DAB1: variants seen among roughly 807,000 people sequenced by gnomAD.
DAB1 encodes disabled homolog 1.
DAB1 carries 15 observed loss-of-function variants against 64.6 expected under a neutral mutation model. That is an observed-to-expected ratio of 0.23 (90% confidence interval 0.16 to 0.36). The LOEUF is 0.36. DAB1 is among the 10% of genes least tolerant of loss of function. The pLI is 1.00. For missense variants in DAB1, 596 were observed against 706.7 expected (o/e 0.84, Z 1.78); for synonymous variants, 235 against 251.9 (o/e 0.93, Z 0.64).
chr1:57,507,737 A>G (rs1316001353), intron 7 of DAB1, among the ~76,000 whole-genome samples: 2 of 152,252 alleles, frequency 1.3e-5, no homozygotes, highest in Non-Finnish European at 2.9e-5. Flanking sequence ...CCGCATTTAC[A>G]AATGACCTCA....
chr1:57,101,077 G>A (rs529185277), intron 4 of DAB1, among the ~76,000 whole-genome samples: 1 of 152,178 alleles, frequency 6.6e-6, no homozygotes, highest in South Asian at 2.1e-4. Context: ...TGACCCCACA[G>A]CCCATCCACA....
chr1:57,797,965 T>C (rs1281031877), intron 6 of DAB1, among the ~76,000 whole-genome samples: 1 of 152,228 alleles, frequency 6.6e-6, no homozygotes, highest in Non-Finnish European at 1.5e-5. Context: ...TAGCATGTGC[T>C]AGTAGTGTGG....
At chr1:57,554,362 C>T (rs943504268) in intron 7 of DAB1, among the ~76,000 whole-genome samples, 3 of 152,178 alleles carry the variant, frequency 2.0e-5, no homozygotes, top group Non-Finnish European at 2.9e-5. Context: ...GTGTTACTTA[C>T]GTGTAAAGTA....
intron 14 of DAB1, among the ~76,000 whole-genome samples, chr1:57,006,584 C>A (rs1362707168): frequency 6.6e-6 from 1 of 152,180 alleles, no homozygotes. Flanking sequence ...CCAGTGCCAT[C>A]ACTTTCTAGC....
Position 57,665,753 on chromosome 1 carries a change from C to T in DAB1, n.552-16088G>A, listed in dbSNP as rs781148674. On this transcript the variant is annotated intron_variant and non_coding_transcript_variant, in intron 6 of 20. Transcript: ENST00000485760. ...GAATATGTGTGTACACTCAAACACA[C>T]CCACACATATACATACACATATTCA... is the stretch of plus-strand genomic sequence containing the variant. Among the ~76,000 whole-genome samples the T allele has an allele frequency of 4.5e-4, 68 of 151,804 alleles. 1 individual carries two copies. Among genetic ancestry groups the T allele is most frequent in the Non-Finnish European group, 1.5e-4 (10 of 67,914 alleles).
At position 58,001,512 on chromosome 1, in the gene DAB1, G is replaced by C. The variant is rs113517209; in HGVS notation, n.388-117350C>G. Among the ~76,000 whole-genome samples, 1,212 of 152,140 alleles carry C rather than the reference G, an allele frequency of 8.0e-3. 17 individuals are homozygous for C. Among genetic ancestry groups the C allele is most frequent in the African/African-American group, 0.028 (1,162 of 41,500 alleles). On this transcript the variant is annotated intron_variant and non_coding_transcript_variant, in intron 5 of 20. Coordinates refer to the DAB1 transcript ENST00000485760. ...TGACCTTAGGTGATCTGCCTGCCTC[G>C]GCCTCCCAAGGTGCTGGGATTACAG...
At chr1:58,282,405 C>A (rs934985284) in intron 4 of DAB1, among the ~76,000 whole-genome samples, 2 of 152,138 alleles carry the variant, frequency 1.3e-5, no homozygotes, top group Non-Finnish European at 2.9e-5. Context: ...AATGTGTTAC[C>A]ATGTTTCACA....
At chr1:57,075,800 A>T (rs1161854519) in intron 4 of DAB1, among the ~76,000 whole-genome samples, 2 of 152,234 alleles carry the variant, frequency 1.3e-5, no homozygotes, top group East Asian at 3.8e-4. Flanking sequence ...AGGATGACAA[A>T]GCATTGAAAA....
chr1:57,312,485 C>T (rs1674803910), intron 1 of DAB1, among the ~76,000 whole-genome samples: 2 of 152,166 alleles, frequency 1.3e-5, no homozygotes, highest in Admixed American at 1.3e-4. Context: ...ATAATTTTAT[C>T]TAAGCAGATG....
chr1:57,933,498 T>C (rs1644982054), intron 5 of DAB1, among the ~76,000 whole-genome samples: 1 of 152,212 alleles, frequency 6.6e-6, no homozygotes, highest in African/African-American at 2.4e-5. Context: ...TACTCTTCTG[T>C]GTAATGCTTC....
At chr1:56,999,050 A>G (rs759885363) in intron 14 of DAB1, among the ~76,000 whole-genome samples, 2 of 152,200 alleles carry the variant, frequency 1.3e-5, no homozygotes, top group Non-Finnish European at 2.9e-5. Context: ...TTAAACGGGC[A>G]CAATGAAATC....
intron 7 of DAB1, among the ~76,000 whole-genome samples, chr1:57,474,201 A>G (rs1283967926): frequency 6.6e-6 from 1 of 152,242 alleles, no homozygotes; most frequent in East Asian, 1.9e-4. Context: ...TTTTAAATTT[A>G]TAATTCCCCA....
intron 3 of DAB1, among the ~76,000 whole-genome samples, chr1:58,477,936 C>T (rs189920349): frequency 2.9e-3 from 435 of 152,194 alleles, no homozygotes; most frequent in Non-Finnish European, 4.0e-3. Context: ...ACTTCAGTTC[C>T]GTGATCTATA....
intron 4 of DAB1, among the ~76,000 whole-genome samples, chr1:58,188,736 T>G (rs1041277538): frequency 6.6e-6 from 1 of 152,228 alleles, no homozygotes; most frequent in African/African-American, 2.4e-5. Flanking sequence ...TAGAAATTGA[T>G]GGTGGTGGTT....
At chr1:57,771,713 T>G (rs542725394) in intron 6 of DAB1, among the ~76,000 whole-genome samples, 2 of 152,154 alleles carry the variant, frequency 1.3e-5, no homozygotes, top group East Asian at 3.9e-4. Flanking sequence ...ACTCCCAAAT[T>G]CTTCTTTTAT....
At chr1:57,538,201 A>T (rs1239510893) in intron 7 of DAB1, among the ~76,000 whole-genome samples, 6 of 152,068 alleles carry the variant, frequency 3.9e-5, no homozygotes, top group African/African-American at 1.2e-4. Flanking sequence ...ATAGTTTGAC[A>T]TTTTTTTAAT....
chr1:57,497,147 A>C (rs1644240110), intron 7 of DAB1, among the ~76,000 whole-genome samples: 1 of 152,166 alleles, frequency 6.6e-6, no homozygotes, highest in South Asian at 2.1e-4. Flanking sequence ...CTCTATCCAA[A>C]ATAGCCTTTA....
chr1:57,670,470 C>G (rs1358915773), intron 6 of DAB1, among the ~76,000 whole-genome samples: 11 of 152,028 alleles, frequency 7.2e-5, no homozygotes, highest in East Asian at 1.9e-4. Context: ...TTTGATGTCT[C>G]TTTTTATATG....
intron 5 of DAB1, among the ~76,000 whole-genome samples, chr1:57,911,963 CT>C (rs1016988423): frequency 5.3e-5 from 8 of 152,334 alleles, no homozygotes; most frequent in Admixed American, 2.6e-4. Context: ...ATTAAACCCC[CT>C]CCATGTGAAA....
Sources: gnomAD v4.1 joint callset for allele counts (sites outside exome capture counted in the v4.1 genomes callset) on GRCh38, gnomAD v4.1.1 for gene constraint, MANE v1.5 for transcripts, NCBI Gene and HGNC (gene_info 2026-07-23, HGNC 2026-07-21) for gene names.